Variants in FAM13B observed in about 807,000 individuals in gnomAD.
FAM13B encodes protein FAM13B.
FAM13B carries 60 observed loss-of-function variants against 117.3 expected under a neutral mutation model. The ratio of observed to expected loss-of-function variants is 0.51; its 90% CI spans 0.42 to 0.63. The LOEUF (loss-of-function observed/expected upper bound fraction) is 0.63, where lower values mean the gene tolerates loss of function less well. Ranked by LOEUF, FAM13B falls within the 30% of genes least tolerant of loss-of-function variation. The pLI, the probability that FAM13B is intolerant of heterozygous loss-of-function variation, is 0.00. For missense variants in FAM13B, 972 were observed against 1,091.9 expected (o/e 0.89, Z 1.55); for synonymous variants, 332 against 356.1 (o/e 0.93, Z 0.76).
intron 9 of FAM13B, among the ~76,000 whole-genome samples, chr5:137,985,684 A>G (rs1303229240): frequency 3.4e-5 from 5 of 147,062 alleles, no homozygotes; most frequent in Non-Finnish European, 7.6e-5. Context: ...TTGTAAATGC[A>G]CACTCTCACA....
intron 17 of FAM13B, among the ~76,000 whole-genome samples, chr5:137,950,899 A>G (rs1764759624): frequency 6.6e-6 from 1 of 152,166 alleles, no homozygotes; most frequent in Non-Finnish European, 1.5e-5. Context: ...GTGATACTCT[A>G]AAGAGGAGTT....
chr5:138,011,509 C>A (rs555552319), intron 5 of FAM13B, among the ~76,000 whole-genome samples: 22 of 152,002 alleles, frequency 1.4e-4, no homozygotes, highest in African/African-American at 4.1e-4. Flanking sequence ...AGCTCCGCCT[C>A]CCCGGGTTCA....
chr5:137,970,251 C>G (rs1771658285), intron 10 of FAM13B, among the ~76,000 whole-genome samples: 1 of 151,962 alleles, frequency 6.6e-6, no homozygotes, highest in African/African-American at 2.4e-5. Flanking sequence ...ATCAGACTAA[C>G]AGCGGATCTC....
At chr5:138,037,823 A>G (rs995139228), upstream of FAM13B, among the ~76,000 whole-genome samples, 1 of 152,224 alleles carries the variant, frequency 6.6e-6, no homozygotes, top group African/African-American at 2.4e-5. Flanking sequence ...CCAAAAAGAT[A>G]TATTCTATCC....
upstream of FAM13B, chr5:138,033,863 T>G (rs1379224972): frequency 6.6e-6 from 1 of 152,192 alleles, no homozygotes; most frequent in East Asian, 1.9e-4. Flanking sequence ...AGCCGGTAGA[T>G]CAACACCTGC....
rs1786740520 is a variant in FAM13B at position 138,021,621 on chromosome 5, T to G, written c.-202-424A>C. On this transcript the variant is annotated intron_variant, in intron 1 of 23. Transcript: ENST00000689681. ...ATTTAAGCTTGCTACTATACTTAAG[T>G]ACTTTCTTCTTTTTTTTGTATACAA... Among the ~76,000 whole-genome samples, 3 of 152,238 alleles carry G rather than the reference T, an allele frequency of 2.0e-5. No homozygotes were observed. The South Asian group carries it at 6.2e-4, about 32-fold the overall frequency.
intron 7 of FAM13B, among the ~76,000 whole-genome samples, chr5:138,000,937 A>C (rs895744691): frequency 1.6e-4 from 13 of 81,398 alleles, no homozygotes; most frequent in South Asian, 8.2e-4. Flanking sequence ...CTCAAAAAAC[A>C]AAAAACAAAA....
At chr5:137,943,337 A>G (rs1435871227) in intron 20 of FAM13B, 121 bp from the exon 21 acceptor site, 1 of 750,160 alleles carries the variant, frequency 1.3e-6, no homozygotes, top group African/African-American at 1.8e-5. Flanking sequence ...CATTTGCTTT[A>G]AATCTTTTTA....
chr5:138,018,613 A>G (rs1211188968), intron 3 of FAM13B, 99 bp from the exon 4 acceptor site: 1 of 1,163,368 alleles, frequency 8.6e-7, no homozygotes, highest in Non-Finnish European at 1.2e-6. Context: ...ATACTTTTGG[A>G]AAGCCTTTCT....
chr5:138,037,634 G>A (rs774316197), upstream of FAM13B, among the ~76,000 whole-genome samples: 2 of 151,998 alleles, frequency 1.3e-5, no homozygotes, highest in Admixed American at 6.6e-5. Flanking sequence ...AGGATGTTGA[G>A]CCCTTCCCTT....
At chr5:138,015,656 T>C (rs1785085178) in intron 4 of FAM13B, among the ~76,000 whole-genome samples, 1 of 152,194 alleles carries the variant, frequency 6.6e-6, no homozygotes, top group Non-Finnish European at 1.5e-5. Flanking sequence ...TGGGCCAAGA[T>C]GGTCCCACTG....
At chr5:137,952,168 A>G (rs1315474488) in intron 17 of FAM13B, among the ~76,000 whole-genome samples, 2 of 152,168 alleles carry the variant, frequency 1.3e-5, no homozygotes, top group Non-Finnish European at 2.9e-5. Flanking sequence ...CAGAAATGCA[A>G]TGCCTAGTTT....
chr5:138,011,586 GT>G (rs1358027434), intron 5 of FAM13B, among the ~76,000 whole-genome samples, 181 bp downstream of exon 5: 1 of 151,908 alleles, frequency 6.6e-6, no homozygotes, highest in Non-Finnish European at 1.5e-5. Context: ...TGCCCAGCTA[GT>G]TTTTTTATTT....
intron 18 of FAM13B, 31 bp from the exon 19 acceptor site, chr5:137,946,342 C>CAAAAAAAAAAAAAAAAAACAAAAAAA: frequency 1.1e-6 from 1 of 919,180 alleles, no homozygotes; most frequent in East Asian, 3.3e-5. Flanking sequence ...TAACAAAATA[C>CAAAAAAAAAAAAAAAAAACAAAAAAA]AAAAAAAAAA....
chr5:138,008,381 G>A (rs1005087356), intron 6 of FAM13B, among the ~76,000 whole-genome samples: 8 of 152,182 alleles, frequency 5.3e-5, no homozygotes, highest in Non-Finnish European at 1.0e-4. Context: ...GGTCGGGGCT[G>A]CAGAGAGACG....
intron 7 of FAM13B, among the ~76,000 whole-genome samples, chr5:137,999,640 C>T (rs1318857018): frequency 6.6e-6 from 1 of 152,184 alleles, no homozygotes; most frequent in East Asian, 1.9e-4. Context: ...AACACCCACT[C>T]CTCAGCACCA....
chr5:137,998,197 G>T (rs1054831655), intron 7 of FAM13B, among the ~76,000 whole-genome samples: 3 of 152,144 alleles, frequency 2.0e-5, no homozygotes, highest in African/African-American at 7.2e-5. Context: ...ACTTAAAATT[G>T]TTGTTTAAAG....
chr5:137,939,867 AAACAAAAAGTTGGTAAT>A lies in FAM13B; in HGVS notation c.*341_*357del. ...TCCTCCAATTTTCTTCAGTAATGAG[AAACAAAAAGTTGGTAAT>A]AACAAAAAGCTTGCATTTCCAAAGT... is the stretch of plus-strand genomic sequence containing the variant. On this transcript the variant is annotated 3_prime_UTR_variant, in exon 24 of 24. Coordinates refer to ENST00000689681, the MANE Select transcript of FAM13B (RefSeq NM_001385994.1). 7.5e-7 allele frequency: 1 copy of A among 1,327,588 alleles called. No individual in the cohort carries two copies. Among genetic ancestry groups the A allele is most frequent in the Non-Finnish European group, 9.6e-7 (1 of 1,042,350 alleles). The allele number at this position is 1,327,588 out of a possible 1,614,324, so 82.2% of individuals were successfully genotyped here.
chr5:137,980,440 CTTTTT>C (rs11309404), intron 10 of FAM13B, among the ~76,000 whole-genome samples: 4 of 84,944 alleles, frequency 4.7e-5, no homozygotes, highest in East Asian at 3.4e-4. Context: ...ACACTAATTT[CTTTTT>C]TTTTTTTTTT....
Sources: allele counts gnomAD v4.1 joint callset (sites outside exome capture counted in the v4.1 genomes callset), GRCh38; gene constraint gnomAD v4.1.1; transcripts MANE v1.5; gene names NCBI Gene and HGNC (gene_info 2026-07-23, HGNC 2026-07-21).